The following COG2 variants were observed in gnomAD, a reference collection of about 807,000 sequenced individuals.
COG2 encodes the protein component of oligomeric golgi complex 2.
In COG2, 52 loss-of-function variants were observed where a neutral mutation model predicts 90.6. That is an observed-to-expected ratio of 0.57 (90% confidence interval 0.46 to 0.72). COG2 has a LOEUF of 0.72. COG2 is among the 30% of genes least tolerant of loss of function. The pLI, the probability that COG2 is intolerant of heterozygous loss-of-function variation, is 0.00. For synonymous variants in COG2, 337 were observed against 320.4 expected, an observed-to-expected ratio of 1.05 and a Z score of -0.55; for missense variants, 829 against 891.2, an observed-to-expected ratio of 0.93 and a Z score of 0.89.
Position 230,659,475 on chromosome 1 carries a change from T to C in COG2, c.84T>C (p.Asp28=), listed in dbSNP as rs1662135097. ...GTTTTATTTTTCAGGAAGATTTCGA[T>C]GTCGATCATTTTGTGTCTGACTGTA... ...DKDEFMKEDF[D]VDHFVSDCRK... The change falls in exon 2 of 18, where the codon GAT becomes GAC. Residue 28 remains aspartate (D), a synonymous_variant. Coordinates refer to ENST00000366669, the MANE Select transcript of COG2 (RefSeq NM_007357.3). The C allele has an allele frequency of 1.2e-6, 2 of 1,613,572 alleles. No individual in the cohort carries two copies. Among genetic ancestry groups the C allele is most frequent in the East Asian group, 2.2e-5 (1 of 44,870 alleles).
At position 230,683,641 on chromosome 1, in the gene COG2, T is replaced by C. The variant is rs1294844180; in HGVS notation, c.1228+6T>C. 3 of 1,595,230 alleles carry C rather than the reference T, an allele frequency of 1.9e-6. No homozygotes were observed. Among genetic ancestry groups the C allele is most frequent in the East Asian group, 2.2e-5 (1 of 44,788 alleles). On this transcript the variant is annotated splice_donor_region_variant and intron_variant, in intron 11 of 17. Coordinates refer to ENST00000366669, the MANE Select transcript of COG2 (RefSeq NM_007357.3). ...TGTCCTGGAAGATGCCCCAGGTAAC[T>C]CCCTTAAAGTGATAAGTGGCATGGT... is the stretch of plus-strand genomic sequence containing the variant.
chr1:230,689,347 T>C (rs1662965601), intron 15 of COG2, among the ~76,000 whole-genome samples: 1 of 152,240 alleles, frequency 6.6e-6, no homozygotes, highest in Non-Finnish European at 1.5e-5. Context: ...CAATATGTTA[T>C]TTTTCTTTAG....
At chr1:230,667,086 A>C (rs1662338825) in intron 5 of COG2, among the ~76,000 whole-genome samples, 1 of 152,114 alleles carries the variant, frequency 6.6e-6, no homozygotes, top group African/African-American at 2.4e-5. Flanking sequence ...TCCCCTAGAC[A>C]ACTTAACGGT....
chr1:230,679,612 T>C (rs1310019462), intron 10 of COG2: 1 of 152,236 alleles, frequency 6.6e-6, no homozygotes, highest in Non-Finnish European at 1.5e-5. Flanking sequence ...AATGGTGACA[T>C]TTTTCTTCCA....
intron 10 of COG2, 160 bp downstream of exon 10, chr1:230,679,212 A>G (rs1029028756): frequency 4.6e-6 from 3 of 653,522 alleles, no homozygotes; most frequent in Non-Finnish European, 7.1e-6. Context: ...AAGAAGTATT[A>G]TGGTTGCCAA....
Position 230,687,161 on chromosome 1 carries a change from G to A in COG2, c.1578+29G>A. On this transcript the variant is annotated intron_variant, in intron 13 of 17. Transcript: ENST00000366669. ...AGCCTGTGTCCCAGAATAATTCCAG[G>A]TGCTTGGTTTAATGTTTTCACAGAA... 1.9e-6 allele frequency: 3 copies of A among 1,582,700 alleles called. No homozygotes were observed. In the South Asian group the frequency reaches 3.5e-5, roughly 18 times the overall value.
chr1:230,690,200 T>C, intron 16 of COG2, 47 bp downstream of exon 16: 6 of 1,565,724 alleles, frequency 3.8e-6, no homozygotes, highest in Non-Finnish European at 5.2e-6. Flanking sequence ...TAGAAGAGTC[T>C]GCGGCAGAAA....
At chr1:230,672,278 G>A (rs896652310) in intron 8 of COG2, among the ~76,000 whole-genome samples, 76 of 152,232 alleles carry the variant, frequency 5.0e-4, no homozygotes, top group African/African-American at 1.5e-3. Context: ...TTCTCAGTGC[G>A]CATGGAGGAA....
At chr1:230,687,266 C>A (rs929910959) in intron 13 of COG2, 134 bp downstream of exon 13, 3 of 609,162 alleles carry the variant, frequency 4.9e-6, no homozygotes, top group African/African-American at 1.8e-5. Flanking sequence ...CAAGAGAGAA[C>A]CTCTCACTCA....
At chr1:230,676,520 G>T (rs149323106) in intron 9 of COG2, among the ~76,000 whole-genome samples, 1 of 151,818 alleles carries the variant, frequency 6.6e-6, no homozygotes, top group Non-Finnish European at 1.5e-5. Context: ...TTGTTTCCTC[G>T]CTCGTACTTC....
At chr1:230,674,351 T>C (rs1358649152) in intron 8 of COG2, among the ~76,000 whole-genome samples, 1 of 152,214 alleles carries the variant, frequency 6.6e-6, no homozygotes. Flanking sequence ...CCAAAGCGCA[T>C]GCTTTCTGTC....
rs776953396 is a variant in COG2 at position 230,642,618 on chromosome 1, T to C, written c.12T>C (p.Ser4=). Residue 4 remains serine, a synonymous_variant, in exon 1 of 18, where the codon AGT becomes AGC. Transcript: ENST00000366669. ...CGGTGGCCGGCGGGATGGAGAAAAGTAGGATGAACCTGCCCAAGGGGCCGG... is the reference window on the plus strand; with the variant it reads ...CGGTGGCCGGCGGGATGGAGAAAAGCAGGATGAACCTGCCCAAGGGGCCGG... MEK[S]RMNLPKGPDT... is the part of the protein sequence containing the mutation. The C allele has an allele frequency of 3.1e-6, 5 of 1,612,742 alleles. No homozygotes were observed. Among genetic ancestry groups the C allele is most frequent in the Admixed American group, 1.7e-5 (1 of 59,932 alleles).
chr1:230,647,297 G>A lies in COG2; in HGVS notation c.72+4619G>A, dbSNP rs368139806. 2.6e-5 allele frequency among the ~76,000 whole-genome samples: 4 copies of A among 152,060 alleles called. No homozygotes were observed. The East Asian group carries it at 7.7e-4, about 29-fold the overall frequency. ...GTTTCAGGCATTGACTGGGGGTCTT[G>A]GAATATATCTCCCTCAGATAAGGGG... On this transcript the variant is annotated intron_variant, in intron 1 of 17. Coordinates refer to ENST00000366669, the MANE Select transcript of COG2 (RefSeq NM_007357.3).
chr1:230,657,442 T>C (rs983871413), intron 1 of COG2, among the ~76,000 whole-genome samples: 8 of 152,196 alleles, frequency 5.3e-5, no homozygotes, highest in Non-Finnish European at 7.4e-5. Flanking sequence ...TCCACTGTTA[T>C]TCTGATGGGC....
At chr1:230,683,715 T>A (rs1182647603) in intron 11 of COG2, 80 bp downstream of exon 11, 3 of 917,406 alleles carry the variant, frequency 3.3e-6, no homozygotes, top group Non-Finnish European at 5.2e-6. Context: ...ATTGCAGTAT[T>A]CTGAGCGTAC....
chr1:230,645,353 A>T (rs1661744052), intron 1 of COG2, among the ~76,000 whole-genome samples: 1 of 152,080 alleles, frequency 6.6e-6, no homozygotes, highest in South Asian at 2.1e-4. Flanking sequence ...GCTAACAGGG[A>T]TAACTTAAAC....
intron 9 of COG2, among the ~76,000 whole-genome samples, chr1:230,677,354 A>T (rs1449567379): frequency 6.6e-6 from 1 of 152,234 alleles, no homozygotes; most frequent in Non-Finnish European, 1.5e-5. Context: ...GAGAGGCACA[A>T]GATAAGCATA....
chr1:230,662,300 A>G (rs1662200121), intron 3 of COG2, among the ~76,000 whole-genome samples: 1 of 152,184 alleles, frequency 6.6e-6, no homozygotes, highest in Non-Finnish European at 1.5e-5. Context: ...GTCGTTGAGA[A>G]ATGAGACTAT....
intron 5 of COG2, among the ~76,000 whole-genome samples, chr1:230,665,383 A>G (rs1320288411): frequency 1.3e-5 from 2 of 152,234 alleles, no homozygotes. Flanking sequence ...TCTGAAAGTC[A>G]CATTGATAGC....
Sources: allele counts gnomAD v4.1 joint callset (sites outside exome capture counted in the v4.1 genomes callset), GRCh38; gene constraint gnomAD v4.1.1; transcripts MANE v1.5; gene names NCBI Gene and HGNC (gene_info 2026-07-23, HGNC 2026-07-21).